Variants in RASSF3 observed in about 807,000 individuals in gnomAD.
The protein encoded by RASSF3 is ras association domain-containing protein 3.
RASSF3 carries 19 observed loss-of-function variants against 19.9 expected under a neutral mutation model. That is an observed-to-expected ratio of 0.96 (90% CI 0.67 to 1.40). RASSF3 has a LOEUF of 1.40. RASSF3 is among the 40% of genes most tolerant of loss of function. The probability of loss-of-function intolerance (pLI) is 0.00; values close to 1 mark genes in which losing one functional copy is unlikely to be tolerated. For missense variants in RASSF3, 306 were observed against 289.8 expected (o/e 1.06, Z -0.41); for synonymous variants, 110 against 104.2 (o/e 1.06, Z -0.34).
upstream of RASSF3, among the ~76,000 whole-genome samples, chr12:64,531,474 T>C (rs915261886): frequency 2.6e-5 from 4 of 152,360 alleles, no homozygotes; most frequent in African/African-American, 9.6e-5. Flanking sequence ...TAGCCACTCT[T>C]AATTTTACAA....
chr12:64,610,653 C>T lies in RASSF3; in HGVS notation c.21C>T (p.Ser7=), dbSNP rs755254564. 1.9e-6 allele frequency: 3 copies of T among 1,586,896 alleles called. No homozygotes were observed. Among genetic ancestry groups the T allele is most frequent in the African/African-American group, 1.4e-5 (1 of 71,546 alleles). The part of the protein sequence containing the change: MSSGYS[S]LEEDAEDFFF... ...GCAGCATGAGCAGCGGCTACAGCAG[C>T]CTGGAGGAGGACGCCGAGGACTTCT... The change falls in exon 1 of 5, where the codon AGC becomes AGT. Residue 7 remains serine (S), a synonymous_variant. Coordinates refer to ENST00000542104, the MANE Select transcript of RASSF3 (RefSeq NM_178169.4).
intron 1 of RASSF3, among the ~76,000 whole-genome samples, chr12:64,620,869 G>C (rs1235295841): frequency 6.6e-6 from 1 of 151,832 alleles, no homozygotes; most frequent in Non-Finnish European, 1.5e-5. Context: ...CATTAAAATA[G>C]AGAAAAAAAA....
upstream of RASSF3, among the ~76,000 whole-genome samples, chr12:64,531,294 C>T (rs1177890438): frequency 6.6e-6 from 1 of 152,140 alleles, no homozygotes; most frequent in East Asian, 1.9e-4. Context: ...TGTCCCAGCA[C>T]CATTTTTCAG....
chr12:64,641,400 G>GCACACACACACACACACACACACACA lies in RASSF3; in HGVS notation c.111+30658_111+30659insACACACACACACACACACACACACAC, dbSNP rs530475322. On this transcript the variant is annotated intron_variant, in intron 1 of 4. Coordinates refer to ENST00000542104, the MANE Select transcript of RASSF3 (RefSeq NM_178169.4). ...GACAGAGTGAGACCCTGTCTCACAG[G>GCACACACACACACACACACACACACA]CGCACACACACACACGCGCGCGCGC... 2.9e-3 allele frequency among the ~76,000 whole-genome samples: 309 copies of GCACACACACACACACACACACACACA among 106,908 alleles called. 1 individual carries two copies. Among genetic ancestry groups the GCACACACACACACACACACACACACA allele is most frequent in the African/African-American group, 3.7e-3 (124 of 33,560 alleles). The allele number at this position is 106,908 out of a possible 152,430, so 70.1% of individuals were successfully genotyped here. A position where few individuals can be genotyped will look rare whatever the true frequency, so the allele number is the denominator to read the frequency against.
intron 2 of RASSF3, among the ~76,000 whole-genome samples, chr12:64,551,319 A>G (rs1444098754): frequency 1.3e-5 from 2 of 152,224 alleles, no homozygotes; most frequent in African/African-American, 4.8e-5. Flanking sequence ...TCACTCCTGT[A>G]ATCCCAGCAC....
At chr12:64,652,475 A>G (rs1276736764) in intron 1 of RASSF3, among the ~76,000 whole-genome samples, 1 of 143,854 alleles carries the variant, frequency 7.0e-6, no homozygotes, top group Non-Finnish European at 1.5e-5. Flanking sequence ...AACTCCAGAG[A>G]GCCTCATGCC....
At chr12:64,573,440 T>C (rs187727985) in intron 2 of RASSF3, among the ~76,000 whole-genome samples, 242 of 152,374 alleles carry the variant, frequency 1.6e-3, no homozygotes, top group Non-Finnish European at 2.6e-3. Context: ...TCCAATGGAA[T>C]AGATCATATT....
chr12:64,645,440 AG>A (rs1465236031), intron 1 of RASSF3, among the ~76,000 whole-genome samples: 1 of 152,100 alleles, frequency 6.6e-6, no homozygotes, highest in Non-Finnish European at 1.5e-5. Context: ...TGGGAGGCTG[AG>A]GTGGGAGGAT....
At chr12:64,609,283 C>A (rs1334318736), upstream of RASSF3, 1 of 152,250 alleles carries the variant, frequency 6.6e-6, no homozygotes, top group African/African-American at 2.4e-5. Flanking sequence ...CAGCCACTTT[C>A]CTTTCTTTAA....
At chr12:64,686,379 G>A (rs1245504008) in intron 2 of RASSF3, among the ~76,000 whole-genome samples, 3 of 152,106 alleles carry the variant, frequency 2.0e-5, no homozygotes, top group African/African-American at 4.8e-5. Context: ...TTGGGAGGCC[G>A]AGGTGGGCAG....
rs562693661 is a variant in RASSF3 at position 64,682,494 on chromosome 12, G to A, written c.112-2293G>A. 1.4e-4 allele frequency among the ~76,000 whole-genome samples: 22 copies of A among 151,772 alleles called. No individual in the cohort carries two copies. In the East Asian group the frequency reaches 3.3e-3, roughly 23 times the overall value. On this transcript the variant is annotated intron_variant, in intron 1 of 4. Coordinates refer to ENST00000542104, the MANE Select transcript of RASSF3 (RefSeq NM_178169.4). ...AGGCAGGAGAATGGCGTGAACCCAGGAGGCGGAGGTTGCAGTGAGCCCAGA... is the reference window on the plus strand; with the variant it reads ...AGGCAGGAGAATGGCGTGAACCCAGAAGGCGGAGGTTGCAGTGAGCCCAGA...
At chr12:64,603,781 T>C (rs1324783754) in intron 2 of RASSF3, among the ~76,000 whole-genome samples, 2 of 152,232 alleles carry the variant, frequency 1.3e-5, no homozygotes, top group Non-Finnish European at 2.9e-5. Flanking sequence ...TTAACCAGTT[T>C]AGATAATATG....
At chr12:64,605,616 G>A (rs1217374055), upstream of RASSF3, among the ~76,000 whole-genome samples, 8 of 152,080 alleles carry the variant, frequency 5.3e-5, no homozygotes, top group African/African-American at 1.4e-4. Flanking sequence ...TAGGCCGGGC[G>A]TGGTGGCTCA....
chr12:64,645,975 A>G (rs1215922097), intron 1 of RASSF3, among the ~76,000 whole-genome samples: 1 of 152,230 alleles, frequency 6.6e-6, no homozygotes, highest in Non-Finnish European at 1.5e-5. Flanking sequence ...ACTTCATATA[A>G]GTAAAATCAT....
chr12:64,548,586 C>T (rs914210868), intron 2 of RASSF3, among the ~76,000 whole-genome samples: 13 of 152,208 alleles, frequency 8.5e-5, no homozygotes, highest in African/African-American at 2.9e-4. Flanking sequence ...CTTCTTGTTT[C>T]CTTAATACAG....
chr12:64,640,374 A>G (rs1365309339), intron 1 of RASSF3, among the ~76,000 whole-genome samples: 3 of 152,188 alleles, frequency 2.0e-5, no homozygotes, highest in Non-Finnish European at 2.9e-5. Context: ...ATCATTAACT[A>G]TAGGCATTAT....
intron 1 of RASSF3, among the ~76,000 whole-genome samples, chr12:64,514,641 G>T (rs1358224162): frequency 6.6e-6 from 1 of 152,100 alleles, no homozygotes; most frequent in Non-Finnish European, 1.5e-5. Context: ...TCTGCACCTG[G>T]GTTGTAAATC....
chr12:64,576,974 T>C (rs550865816), intron 2 of RASSF3, among the ~76,000 whole-genome samples: 1 of 151,964 alleles, frequency 6.6e-6, no homozygotes, highest in Admixed American at 6.6e-5. Flanking sequence ...TATGAGTGCA[T>C]CAGGCCAAGG....
At chr12:64,529,130 T>C (rs1167141852), upstream of RASSF3, among the ~76,000 whole-genome samples, 1 of 152,226 alleles carries the variant, frequency 6.6e-6, no homozygotes, top group Non-Finnish European at 1.5e-5. Context: ...ACAGCTTCAA[T>C]GTATTAGGAG....
Sources: allele counts gnomAD v4.1 joint callset (sites outside exome capture counted in the v4.1 genomes callset), GRCh38; gene constraint gnomAD v4.1.1; transcripts MANE v1.5; gene names NCBI Gene and HGNC (gene_info 2026-07-23, HGNC 2026-07-21).